The following TRAK1 variants were observed in gnomAD, a reference collection of about 807,000 sequenced individuals.
TRAK1 encodes trafficking kinesin-binding protein 1.
In TRAK1, 33 loss-of-function variants were observed where a neutral mutation model predicts 92.1. That is an observed-to-expected ratio of 0.36 (90% confidence interval 0.27 to 0.48). TRAK1 has a LOEUF of 0.48. TRAK1 is among the 20% of genes least tolerant of loss of function. The pLI is 0.99. For synonymous variants in TRAK1, 521 were observed against 517.3 expected, an observed-to-expected ratio of 1.01 and a Z score of -0.10; for missense variants, 1,123 against 1,257.9, an observed-to-expected ratio of 0.89 and a Z score of 1.62.
chr3:42,030,437 C>T, intron 1 of TRAK1, among the ~76,000 whole-genome samples: 1 of 149,524 alleles, frequency 6.7e-6, no homozygotes, highest in East Asian at 1.9e-4. Context: ...CTTTGGGAGG[C>T]CGAGGTGGGT....
chr3:42,193,563 A>C (rs1265121904), intron 8 of TRAK1, among the ~76,000 whole-genome samples: 6 of 152,304 alleles, frequency 3.9e-5, no homozygotes, highest in African/African-American at 1.2e-4. Context: ...AGAGGCAGCA[A>C]AATGGACTTT....
chr3:42,042,263 G>A (rs543549060), intron 1 of TRAK1, among the ~76,000 whole-genome samples: 2 of 152,104 alleles, frequency 1.3e-5, no homozygotes, highest in Non-Finnish European at 2.9e-5. Context: ...TCATGAAAGG[G>A]TGTTGAATTT....
chr3:42,097,362 G>A (rs771620861), intron 1 of TRAK1, among the ~76,000 whole-genome samples: 1 of 152,212 alleles, frequency 6.6e-6, no homozygotes, highest in African/African-American at 2.4e-5. Context: ...ATTTGATGGA[G>A]TGAGTCATAG....
intron 1 of TRAK1, among the ~76,000 whole-genome samples, chr3:42,117,588 C>G (rs553960467): frequency 1.6e-4 from 25 of 152,262 alleles, no homozygotes; most frequent in African/African-American, 5.5e-4. Flanking sequence ...TTCTAGACAG[C>G]TCTTCTGCAC....
chr3:42,190,770 C>A (rs376405106), intron 6 of TRAK1, among the ~76,000 whole-genome samples: 1 of 150,338 alleles, frequency 6.7e-6, no homozygotes, highest in African/African-American at 2.5e-5. Context: ...CCCTCTTTCT[C>A]TCCTCCCTCC....
intron 1 of TRAK1, among the ~76,000 whole-genome samples, chr3:42,045,958 C>T (rs1475616742): frequency 1.3e-5 from 2 of 152,198 alleles, no homozygotes; most frequent in East Asian, 3.9e-4. Context: ...CTATAATTGC[C>T]TATTAGCATA....
intron 1 of TRAK1, among the ~76,000 whole-genome samples, chr3:42,105,856 G>A (rs1372216383): frequency 6.6e-6 from 1 of 152,180 alleles, no homozygotes; most frequent in African/African-American, 2.4e-5. Context: ...GAAAGTGGGG[G>A]CCAATATCCA....
intron 1 of TRAK1, among the ~76,000 whole-genome samples, chr3:42,117,859 T>G (rs4974008): frequency 4.6e-5 from 7 of 151,616 alleles, no homozygotes; most frequent in Non-Finnish European, 1.0e-4. Flanking sequence ...AGCTCTGTCA[T>G]CAGGCTGGAA....
intron 1 of TRAK1, among the ~76,000 whole-genome samples, chr3:42,055,594 C>T (rs770738596): frequency 1.3e-5 from 2 of 152,202 alleles, no homozygotes; most frequent in Non-Finnish European, 2.9e-5. Flanking sequence ...TCCTGAGTAG[C>T]TGAGATCACA....
intron 4 of TRAK1, among the ~76,000 whole-genome samples, chr3:42,187,521 G>A (rs1705063966): frequency 6.6e-6 from 1 of 151,994 alleles, no homozygotes; most frequent in African/African-American, 2.4e-5. Context: ...AGGCTGGAGT[G>A]CAGTGGTGTG....
At chr3:42,017,383 C>A (rs897417341) in intron 1 of TRAK1, among the ~76,000 whole-genome samples, 4 of 151,882 alleles carry the variant, frequency 2.6e-5, no homozygotes, top group African/African-American at 9.7e-5. Flanking sequence ...GGAGATAGAA[C>A]CCAAGGGCTT....
rs60622565 is a variant in TRAK1, at chr3:42,157,457, C to CAAAAAAAAAAAAAAAAAAAAA, written c.287-19345_287-19325dup. 2.9e-4 allele frequency among the ~76,000 whole-genome samples: 9 copies of CAAAAAAAAAAAAAAAAAAAAA among 31,112 alleles called. 3 individuals are homozygous for CAAAAAAAAAAAAAAAAAAAAA. The highest frequency in any genetic ancestry group is 2.8e-3 in the East Asian group (2 of 710). 20.4% of individuals were successfully genotyped at this position (31,112 alleles called of 152,430 possible). A position where few individuals can be genotyped will look rare whatever the true frequency, so the allele number is the denominator to read the frequency against. The stretch of plus-strand genomic sequence containing the variant: ...TGGGCAACAGAATGAGACCCTGTCT[C>CAAAAAAAAAAAAAAAAAAAAA]AAAAAAAAAAAAAAAAAAAAAAAAA... On this transcript the variant is annotated intron_variant, in intron 2 of 15. Coordinates refer to ENST00000327628, the MANE Select transcript of TRAK1 (RefSeq NM_001042646.3).
intron 3 of TRAK1, among the ~76,000 whole-genome samples, chr3:42,184,117 T>C (rs540128919): frequency 5.3e-5 from 8 of 152,240 alleles, no homozygotes; most frequent in Non-Finnish European, 5.9e-5. Flanking sequence ...GAAAAGCATG[T>C]AATTGTTTTT....
intron 7 of TRAK1, among the ~76,000 whole-genome samples, chr3:42,192,269 G>T (rs1705880236): frequency 6.6e-6 from 1 of 152,152 alleles, no homozygotes; most frequent in African/African-American, 2.4e-5. Flanking sequence ...AAATGTGGCA[G>T]AACAGCTTAC....
At chr3:42,194,133 C>T (rs2149438978) in intron 9 of TRAK1, among the ~76,000 whole-genome samples, 1 of 152,284 alleles carries the variant, frequency 6.6e-6, no homozygotes, top group South Asian at 2.1e-4. Context: ...CTGGCACGTG[C>T]AGGTGTCCAA....
intron 1 of TRAK1, among the ~76,000 whole-genome samples, chr3:42,029,833 G>A (rs544265125): frequency 2.6e-5 from 4 of 152,294 alleles, no homozygotes; most frequent in South Asian, 2.1e-4. Flanking sequence ...ACAGGTGTAC[G>A]CCACTGCGAC....
intron 2 of TRAK1, among the ~76,000 whole-genome samples, chr3:42,155,484 T>C (rs1700436929): frequency 6.6e-6 from 1 of 152,230 alleles, no homozygotes; most frequent in African/African-American, 2.4e-5. Context: ...TCTGGTCCCC[T>C]TCATAGGTGA....
At chr3:42,191,522 A>G in intron 6 of TRAK1, 36 bp from the exon 7 acceptor site, 1 of 1,559,900 alleles carries the variant, frequency 6.4e-7, no homozygotes, top group Non-Finnish European at 8.7e-7. Context: ...AGGCCAGGTG[A>G]GAATGTGGGG....
At chr3:42,044,846 A>G (rs1436349993) in intron 1 of TRAK1, among the ~76,000 whole-genome samples, 1 of 150,336 alleles carries the variant, frequency 6.7e-6, no homozygotes, top group Non-Finnish European at 1.5e-5. Context: ...GTTTTTTTTT[A>G]CTTCAATTAC....
Sources: allele counts gnomAD v4.1 joint callset (sites outside exome capture counted in the v4.1 genomes callset), GRCh38; gene constraint gnomAD v4.1.1; transcripts MANE v1.5; gene names NCBI Gene and HGNC (gene_info 2026-07-23, HGNC 2026-07-21).